Variants in GPC5 observed in about 807,000 individuals in gnomAD.
GPC5 encodes the protein glypican 5.
In GPC5, 47 loss-of-function variants were observed where a neutral mutation model predicts 53.9. The observed-to-expected ratio is 0.87, with a 90% CI of 0.69 to 1.11. The LOEUF (loss-of-function observed/expected upper bound fraction) is 1.11. Ranked by LOEUF, GPC5 falls within the 50% of genes most tolerant of loss-of-function variation. The probability of loss-of-function intolerance (pLI) is 0.00; values close to 1 mark genes in which losing one functional copy is unlikely to be tolerated. For synonymous variants in GPC5, 286 were observed against 263.3 expected, an observed-to-expected ratio of 1.09 and a Z score of -0.84; for missense variants, 748 against 713.1, an observed-to-expected ratio of 1.05 and a Z score of -0.56.
chr13:92,589,928 G>A (rs1474328414), intron 7 of GPC5, among the ~76,000 whole-genome samples: 1 of 152,216 alleles, frequency 6.6e-6, no homozygotes, highest in African/African-American at 2.4e-5. Flanking sequence ...ACTGCTTGTT[G>A]TTCGGGCTGT....
At chr13:92,576,375 T>C (rs1426742735) in intron 7 of GPC5, among the ~76,000 whole-genome samples, 1 of 152,172 alleles carries the variant, frequency 6.6e-6, no homozygotes, top group Non-Finnish European at 1.5e-5. Flanking sequence ...TAAGACATTT[T>C]AAAGTTTAGT....
intron 7 of GPC5, among the ~76,000 whole-genome samples, chr13:92,832,519 G>A (rs1447547829): frequency 2.0e-5 from 3 of 152,078 alleles, no homozygotes; most frequent in African/African-American, 7.2e-5. Flanking sequence ...CTATTACAAG[G>A]TTTTTAAGAA....
chr13:91,498,340 A>C (rs111497698), intron 2 of GPC5, among the ~76,000 whole-genome samples: 16 of 151,170 alleles, frequency 1.1e-4, no homozygotes, highest in Non-Finnish European at 2.1e-4. Context: ...CCCCCAGGAA[A>C]TTTTAAGTTG....
chr13:92,308,455 T>G (rs1359196744), intron 7 of GPC5, among the ~76,000 whole-genome samples: 2 of 152,202 alleles, frequency 1.3e-5, no homozygotes, highest in African/African-American at 4.8e-5. Flanking sequence ...TTATATTCAT[T>G]AAACACGTTT....
chr13:91,827,560 A>G (rs2038593551), intron 5 of GPC5, among the ~76,000 whole-genome samples: 1 of 152,056 alleles, frequency 6.6e-6, no homozygotes, highest in African/African-American at 2.4e-5. Flanking sequence ...TAGCACATAC[A>G]GATTGCTCAG....
At chr13:92,151,449 T>A (rs1021964555) in intron 7 of GPC5, among the ~76,000 whole-genome samples, 1 of 152,124 alleles carries the variant, frequency 6.6e-6, no homozygotes, top group Non-Finnish European at 1.5e-5. Context: ...TATTAAAGCA[T>A]GATGAAATTT....
chr13:92,208,814 A>G (rs1006063287), intron 7 of GPC5, among the ~76,000 whole-genome samples: 1 of 152,228 alleles, frequency 6.6e-6, no homozygotes, highest in African/African-American at 2.4e-5. Context: ...CATATATAAG[A>G]CTAAAAACAT....
At chr13:92,520,666 C>T (rs556406591) in intron 7 of GPC5, among the ~76,000 whole-genome samples, 6 of 152,238 alleles carry the variant, frequency 3.9e-5, no homozygotes, top group African/African-American at 1.4e-4. Context: ...AAACCCACAG[C>T]CAGTATCATA....
intron 7 of GPC5, among the ~76,000 whole-genome samples, chr13:92,582,055 A>G (rs544987309): frequency 5.3e-5 from 8 of 152,172 alleles, no homozygotes; most frequent in African/African-American, 1.9e-4. Context: ...TTTTAGTTTG[A>G]TGCAATCCTC....
At chr13:91,599,158 A>G (rs2033095048) in intron 2 of GPC5, among the ~76,000 whole-genome samples, 1 of 152,128 alleles carries the variant, frequency 6.6e-6, no homozygotes, top group Non-Finnish European at 1.5e-5. Flanking sequence ...TTAAATGCCT[A>G]GTAATTTAAA....
At chr13:91,909,460 G>T (rs1819421) in intron 6 of GPC5, among the ~76,000 whole-genome samples, 86,285 of 151,892 alleles carry the variant, frequency 0.57, 24,836 homozygotes, top group East Asian at 0.71. Flanking sequence ...CACAGAGGGT[G>T]CAGGAAGAAA....
At chr13:92,277,643 T>A (rs1394640859) in intron 7 of GPC5, among the ~76,000 whole-genome samples, 1 of 152,038 alleles carries the variant, frequency 6.6e-6, no homozygotes, top group Non-Finnish European at 1.5e-5. Context: ...ACTTTGTTTT[T>A]TATCGTTGCT....
At chr13:92,565,352 T>A (rs1882831091) in intron 7 of GPC5, among the ~76,000 whole-genome samples, 1 of 152,080 alleles carries the variant, frequency 6.6e-6, no homozygotes, top group Non-Finnish European at 1.5e-5. Flanking sequence ...AAGATTAGTT[T>A]TATAAGTTCT....
intron 7 of GPC5, among the ~76,000 whole-genome samples, chr13:92,217,656 A>G (rs776115492): frequency 7.9e-5 from 12 of 152,162 alleles, no homozygotes; most frequent in Non-Finnish European, 1.0e-4. Flanking sequence ...TATCTACTGC[A>G]ATGGTTCTGA....
intron 7 of GPC5, among the ~76,000 whole-genome samples, chr13:92,460,408 C>T (rs1878430943): frequency 6.6e-6 from 1 of 152,150 alleles, no homozygotes; most frequent in South Asian, 2.1e-4. Context: ...CTATCAGCAA[C>T]TTCCTTCCTT....
intron 7 of GPC5, among the ~76,000 whole-genome samples, chr13:92,346,450 C>A (rs763710861): frequency 8.5e-5 from 13 of 152,160 alleles, no homozygotes; most frequent in Non-Finnish European, 1.6e-4. Flanking sequence ...GACATTACAG[C>A]AAAGTCAGTG....
chr13:92,840,086 T>TATATATATATATAC (rs1878378225), intron 7 of GPC5, among the ~76,000 whole-genome samples: 15 of 34,838 alleles, frequency 4.3e-4, no homozygotes, highest in African/African-American at 2.0e-3. Context: ...TACATATATA[T>TATATATATATATAC]ATATATATAT....
At chr13:91,585,590 A>T (rs72641446) in intron 2 of GPC5, among the ~76,000 whole-genome samples, 9,218 of 152,248 alleles carry the variant, frequency 0.061, 359 homozygotes, top group Non-Finnish European at 0.085. Context: ...ATGCAAAAAA[A>T]ATCTGTGGCG....
At chr13:91,783,142 T>C (rs1195562131) in intron 5 of GPC5, among the ~76,000 whole-genome samples, 1 of 152,062 alleles carries the variant, frequency 6.6e-6, no homozygotes, top group Non-Finnish European at 1.5e-5. Flanking sequence ...TAATCCCAGC[T>C]ACTCAGAAGG....
Sources: gnomAD v4.1 joint callset for allele counts (sites outside exome capture counted in the v4.1 genomes callset) on GRCh38, gnomAD v4.1.1 for gene constraint, MANE v1.5 for transcripts, NCBI Gene and HGNC (gene_info 2026-07-23, HGNC 2026-07-21) for gene names.